LRBA: variants seen among roughly 807,000 people sequenced by gnomAD.
The protein encoded by LRBA is lipopolysaccharide-responsive and beige-like anchor protein.
A neutral mutation model predicts 330.0 loss-of-function variants in LRBA; 176 were observed. The observed-to-expected ratio is 0.53, with a 90% CI of 0.47 to 0.60. The LOEUF (loss-of-function observed/expected upper bound fraction) is 0.60, where lower values mean the gene tolerates loss of function less well. Among genes scored for constraint, LRBA ranks in the 20% least tolerant of loss-of-function variants. LRBA has a pLI of 0.00. For missense variants in LRBA, 3,259 were observed against 3,444.8 expected (o/e 0.95, Z 1.35); for synonymous variants, 1,230 against 1,193.0 (o/e 1.03, Z -0.64).
intron 30 of LRBA, among the ~76,000 whole-genome samples, chr4:150,818,565 C>CACGAATGTGTGT (rs1744954995): frequency 6.9e-6 from 1 of 144,026 alleles, no homozygotes; most frequent in Non-Finnish European, 1.5e-5. Flanking sequence ...TGTGTGTGTG[C>CACGAATGTGTGT]GTGCACGAAT....
chr4:150,413,640 T>A (rs1747327606), intron 47 of LRBA, among the ~76,000 whole-genome samples: 1 of 152,164 alleles, frequency 6.6e-6, no homozygotes, highest in Non-Finnish European at 1.5e-5. Flanking sequence ...AGGCTGACTA[T>A]AAAGAGGCCC....
chr4:150,837,720 A>G (rs1748362868), intron 28 of LRBA, among the ~76,000 whole-genome samples: 1 of 152,134 alleles, frequency 6.6e-6, no homozygotes, highest in South Asian at 2.1e-4. Flanking sequence ...AATACAGCAC[A>G]CTGATGGGTC....
At chr4:150,508,239 AAGGGG>A (rs1227245874) in intron 40 of LRBA, among the ~76,000 whole-genome samples, 10 of 67,776 alleles carry the variant, frequency 1.5e-4, no homozygotes, top group South Asian at 1.3e-3. Context: ...TTTAAAAAAA[AAGGGG>A]GGGGGGGGGA....
chr4:150,585,508 T>C (rs1242899079), intron 40 of LRBA, among the ~76,000 whole-genome samples: 1 of 152,228 alleles, frequency 6.6e-6, no homozygotes, highest in Non-Finnish European at 1.5e-5. Context: ...CATTTCAATG[T>C]TTCAGCTTTA....
chr4:150,356,709 G>A (rs55795432), intron 47 of LRBA, among the ~76,000 whole-genome samples: 3 of 151,610 alleles, frequency 2.0e-5, no homozygotes, highest in African/African-American at 7.3e-5. Context: ...CTAATTTAAA[G>A]ATTACATCTT....
chr4:150,759,954 T>C (rs1258542216), intron 35 of LRBA, among the ~76,000 whole-genome samples: 1 of 152,152 alleles, frequency 6.6e-6, no homozygotes, highest in Non-Finnish European at 1.5e-5. Flanking sequence ...CATACATAAA[T>C]AAGGGTAGTT....
intron 30 of LRBA, among the ~76,000 whole-genome samples, chr4:150,817,838 C>G (rs1744832609): frequency 1.3e-5 from 2 of 151,938 alleles, no homozygotes; most frequent in African/African-American, 4.8e-5. Flanking sequence ...TTATGATATA[C>G]CAATTTCAAT....
At chr4:150,835,097 C>G (rs1023993045) in intron 28 of LRBA, among the ~76,000 whole-genome samples, 3 of 152,036 alleles carry the variant, frequency 2.0e-5, no homozygotes, top group Admixed American at 1.3e-4. Context: ...TCAGGTTTGT[C>G]GAAGATCAGA....
intron 40 of LRBA, among the ~76,000 whole-genome samples, chr4:150,541,628 C>T (rs1005398313): frequency 6.6e-6 from 1 of 152,046 alleles, no homozygotes; most frequent in African/African-American, 2.4e-5. Flanking sequence ...TGTCTAGTAC[C>T]GTTTTATGCT....
At chr4:150,768,872 T>C (rs964998427) in intron 34 of LRBA, among the ~76,000 whole-genome samples, 2 of 150,930 alleles carry the variant, frequency 1.3e-5, no homozygotes, top group Non-Finnish European at 2.9e-5. Flanking sequence ...CATAGGAAAA[T>C]TTTTTTAAAT....
At chr4:150,579,854 A>C (rs185058233) in intron 40 of LRBA, 4,256 of 380,578 alleles carry the variant, frequency 0.011, 55 homozygotes, top group Non-Finnish European at 0.019. Context: ...GCCATTCGCG[A>C]ACCAGACGCA....
chr4:150,770,131 T>C (rs1736351551), intron 34 of LRBA, among the ~76,000 whole-genome samples: 1 of 152,162 alleles, frequency 6.6e-6, no homozygotes, highest in Non-Finnish European at 1.5e-5. Context: ...AAGTGGGAGT[T>C]CATCTGTTTC....
chr4:150,817,947 A>C (rs1744843973), intron 30 of LRBA, among the ~76,000 whole-genome samples: 1 of 152,062 alleles, frequency 6.6e-6, no homozygotes, highest in Non-Finnish European at 1.5e-5. Context: ...AACATGCAAA[A>C]ACTCAGTTAA....
intron 2 of LRBA, among the ~76,000 whole-genome samples, chr4:150,941,878 C>CA (rs34618331): frequency 0.069 from 7,585 of 110,222 alleles, 316 homozygotes; most frequent in African/African-American, 0.17. Flanking sequence ...GACTCTGTCT[C>CA]AAAAAAAAAA....
intron 30 of LRBA, among the ~76,000 whole-genome samples, chr4:150,822,631 T>C (rs942595131): frequency 1.3e-5 from 2 of 151,886 alleles, no homozygotes; most frequent in African/African-American, 4.8e-5. Context: ...GCTGGACATG[T>C]TGGTCCCAGC....
chr4:150,410,975 T>C (rs1369038262), intron 47 of LRBA, among the ~76,000 whole-genome samples: 1 of 152,190 alleles, frequency 6.6e-6, no homozygotes, highest in African/African-American at 2.4e-5. Context: ...TCATAAATTT[T>C]TCTATTATTT....
chr4:150,560,077 G>A (rs1200718931), intron 40 of LRBA, among the ~76,000 whole-genome samples: 2 of 147,140 alleles, frequency 1.4e-5, no homozygotes, highest in African/African-American at 5.0e-5. Context: ...TACTATTATA[G>A]TTATATAAAT....
At chr4:150,988,001 C>CAAAAAAAA (rs545392419) in intron 2 of LRBA, among the ~76,000 whole-genome samples, 1 of 68,558 alleles carries the variant, frequency 1.5e-5, no homozygotes, top group Non-Finnish European at 3.0e-5. Flanking sequence ...GACTCCGTCT[C>CAAAAAAAA]AAAAAAAAAA....
intron 17 of LRBA, among the ~76,000 whole-genome samples, chr4:150,878,590 T>C (rs920766971): frequency 2.0e-5 from 3 of 151,098 alleles, no homozygotes; most frequent in African/African-American, 4.9e-5. Flanking sequence ...AGAAGACTGA[T>C]AGACCACTAG....
Sources: gnomAD v4.1 joint callset for allele counts (sites outside exome capture counted in the v4.1 genomes callset) on GRCh38, gnomAD v4.1.1 for gene constraint, MANE v1.5 for transcripts, NCBI Gene and HGNC (gene_info 2026-07-23, HGNC 2026-07-21) for gene names.